The following SIL1 variants were observed in gnomAD, a reference collection of about 807,000 sequenced individuals.
SIL1 encodes the protein SIL1 nucleotide exchange factor.
Under a neutral mutation model 49.1 loss-of-function variants are expected in SIL1, and 40 were observed. The observed-to-expected ratio is 0.81, with a 90% CI of 0.63 to 1.06. The LOEUF (loss-of-function observed/expected upper bound fraction) is 1.06. SIL1 is among the 50% of genes least tolerant of loss of function. SIL1 has a pLI of 0.00. For missense variants in SIL1, 500 were observed against 572.6 expected, an observed-to-expected ratio of 0.87 and a Z score of 1.29; for synonymous variants, 253 against 250.8, an observed-to-expected ratio of 1.01 and a Z score of -0.08.
chr5:139,007,700 C>T (rs2150416514), intron 7 of SIL1, among the ~76,000 whole-genome samples: 2 of 129,972 alleles, frequency 1.5e-5, no homozygotes, highest in South Asian at 2.8e-4. Context: ...AAGGCTTTTT[C>T]TGCATCTATT....
intron 2 of SIL1, among the ~76,000 whole-genome samples, chr5:139,122,673 G>A (rs1273975766): frequency 1.2e-4 from 18 of 152,008 alleles, no homozygotes; most frequent in Non-Finnish European, 4.4e-5. Context: ...TTTAGTTGTC[G>A]AGGAAAAGTT....
intron 5 of SIL1, among the ~76,000 whole-genome samples, chr5:139,030,582 T>C (rs1483908315): frequency 6.8e-6 from 1 of 147,678 alleles, no homozygotes. Flanking sequence ...ATCCTGCCAC[T>C]GCACTCCAGC....
At chr5:139,007,422 T>A (rs1410299398) in intron 7 of SIL1, among the ~76,000 whole-genome samples, 18 of 130,044 alleles carry the variant, frequency 1.4e-4, no homozygotes, top group African/African-American at 5.3e-4. Flanking sequence ...ACAATTTGAC[T>A]TCCTCTTTTC....
intron 7 of SIL1, among the ~76,000 whole-genome samples, chr5:138,979,239 A>G (rs1422695629): frequency 6.6e-6 from 1 of 151,542 alleles, no homozygotes; most frequent in African/African-American, 2.4e-5. Flanking sequence ...TAATTTCTGT[A>G]TTTTTAGTAG....
chr5:139,024,710 C>A (rs984468376), intron 6 of SIL1, among the ~76,000 whole-genome samples: 1 of 152,204 alleles, frequency 6.6e-6, no homozygotes, highest in Non-Finnish European at 1.5e-5. Flanking sequence ...ACCAAGCCCC[C>A]CACCTGCAGT....
intron 1 of SIL1, among the ~76,000 whole-genome samples, chr5:139,165,670 A>T (rs1435442664): frequency 6.7e-6 from 1 of 148,794 alleles, no homozygotes; most frequent in Admixed American, 6.7e-5. Context: ...TATTATTATT[A>T]TTTTTTGAGA....
chr5:138,965,666 T>C (rs1204469176), intron 7 of SIL1, among the ~76,000 whole-genome samples: 1 of 151,052 alleles, frequency 6.6e-6, no homozygotes, highest in Non-Finnish European at 1.5e-5. Flanking sequence ...ATCCTGGGAA[T>C]AGGCTAACTC....
intron 7 of SIL1, chr5:139,013,970 A>G (rs529537320): frequency 3.3e-5 from 5 of 152,352 alleles, no homozygotes; most frequent in South Asian, 4.1e-4. Flanking sequence ...AAGCATCCAC[A>G]TGAAACTTAC....
chr5:139,172,724 C>G (rs1751799563), intron 1 of SIL1, among the ~76,000 whole-genome samples: 1 of 152,024 alleles, frequency 6.6e-6, no homozygotes, highest in South Asian at 2.1e-4. Context: ...ATAAGGAGAT[C>G]TCTCATCAGA....
At chr5:138,953,048 G>C (rs1396781823) in intron 7 of SIL1, among the ~76,000 whole-genome samples, 2 of 152,332 alleles carry the variant, frequency 1.3e-5, no homozygotes, top group Non-Finnish European at 2.9e-5. Context: ...AAGTGAAGGG[G>C]CCAAGCCAGC....
intron 7 of SIL1, among the ~76,000 whole-genome samples, chr5:139,005,447 T>A (rs1768093343): frequency 2.7e-5 from 4 of 150,490 alleles, no homozygotes; most frequent in East Asian, 1.9e-4. Flanking sequence ...TTATTTATTT[T>A]TTCTTCCTTT....
chr5:139,128,547 G>A (rs62381244), intron 1 of SIL1, among the ~76,000 whole-genome samples: 7,849 of 151,900 alleles, frequency 0.052, 258 homozygotes, highest in African/African-American at 0.095. Context: ...TATGTGGAAG[G>A]CTGAGGCAGG....
At chr5:139,132,564 A>T (rs77466820) in intron 1 of SIL1, among the ~76,000 whole-genome samples, 76 of 152,252 alleles carry the variant, frequency 5.0e-4, no homozygotes, top group African/African-American at 1.7e-3. Context: ...GGGCAGTGGG[A>T]GAGGGATGGG....
In SIL1 at chr5:138,947,817, A is replaced by C. The variant is rs917433984; in HGVS notation, c.1030-344T>G. The stretch of plus-strand genomic sequence containing the variant: ...GCATGGAGGCAGACAGGCTGGCTTC[A>C]AATTCCTGCTCCACCACTGACTTGC... On this transcript the variant is annotated intron_variant, in intron 9 of 9. Coordinates refer to ENST00000394817, the MANE Select transcript of SIL1 (RefSeq NM_022464.5). The surrounding 1 kb of genome is among the most constrained non-coding windows in gnomAD (Gnocchi z 4.1). 6.6e-6 allele frequency among the ~76,000 whole-genome samples: 1 copy of C among 152,350 alleles called. No homozygotes were observed. Among genetic ancestry groups the C allele is most frequent in the East Asian group, 1.9e-4 (1 of 5,182 alleles).
chr5:139,003,293 G>A (rs1450772448), intron 7 of SIL1, among the ~76,000 whole-genome samples: 1 of 152,140 alleles, frequency 6.6e-6, no homozygotes, highest in Non-Finnish European at 1.5e-5. Flanking sequence ...CAAGGGGCAG[G>A]AGAGAAGTGT....
intron 3 of SIL1, among the ~76,000 whole-genome samples, chr5:139,060,329 GCATT>G (rs1769557786): frequency 6.9e-6 from 1 of 144,996 alleles, no homozygotes; most frequent in Non-Finnish European, 1.5e-5. Flanking sequence ...GTTTATTGTG[GCATT>G]CATTCCAATG....
At chr5:139,058,970 A>ATGTGTGTGTGTGTGTGTGTGTGTGTG (rs61070788) in intron 3 of SIL1, among the ~76,000 whole-genome samples, 61 of 150,338 alleles carry the variant, frequency 4.1e-4, no homozygotes, top group African/African-American at 1.4e-3. Context: ...AGAAATGTGT[A>ATGTGTGTGTGTGTGTGTGTGTGTGTG]TGTGTGTGTG....
At chr5:138,963,789 C>T (rs1354792332) in intron 7 of SIL1, among the ~76,000 whole-genome samples, 1 of 152,184 alleles carries the variant, frequency 6.6e-6, no homozygotes, top group Non-Finnish European at 1.5e-5. Context: ...CCCGGTTTTC[C>T]GTGGGGGCGG....
chr5:139,068,655 G>GAAAAAAAAAAAA (rs745799045), intron 3 of SIL1, among the ~76,000 whole-genome samples: 1 of 64,810 alleles, frequency 1.5e-5, no homozygotes, highest in Non-Finnish European at 4.1e-5. Flanking sequence ...GAATGAAAAG[G>GAAAAAAAAAAAA]AAAAAAAAAA....
Sources: allele counts gnomAD v4.1 joint callset (sites outside exome capture counted in the v4.1 genomes callset), GRCh38; gene constraint gnomAD v4.1.1; non-coding constraint Gnocchi (gnomAD v3.1); transcripts MANE v1.5; gene names NCBI Gene and HGNC (gene_info 2026-07-23, HGNC 2026-07-21).